THRB: variants seen among roughly 807,000 people sequenced by gnomAD.
The protein encoded by THRB is nuclear receptor subfamily 1 group A member 2.
In THRB, 12 loss-of-function variants were observed where a neutral mutation model predicts 47.8. The ratio of observed to expected loss-of-function variants is 0.25; its 90% CI spans 0.16 to 0.41. The LOEUF (loss-of-function observed/expected upper bound fraction) is 0.41. Among genes scored for constraint, THRB ranks in the 10% least tolerant of loss-of-function variants. The pLI, the probability that THRB is intolerant of heterozygous loss-of-function variation, is 1.00. For synonymous variants in THRB, 218 were observed against 212.2 expected, an observed-to-expected ratio of 1.03 and a Z score of -0.24; for missense variants, 348 against 589.2, an observed-to-expected ratio of 0.59 and a Z score of 4.24.
Position 24,290,310 on chromosome 3 carries a change from A to C in THRB, c.-43+6916T>G, listed in dbSNP as rs1001740014. Among the ~76,000 whole-genome samples the C allele has an allele frequency of 5.3e-5, 8 of 152,252 alleles. No individual in the cohort carries two copies. The East Asian group carries it at 1.2e-3, about 22-fold the overall frequency. On this transcript the variant is annotated intron_variant, in intron 3 of 10. Transcript: ENST00000646209. ...GGCCTGTCTCTCTCTTGGGCCATAC[A>C]TTTGGAGTGTCTGCCTGCCATGTTC...
intron 4 of THRB, among the ~76,000 whole-genome samples, chr3:24,196,357 TAAAAA>T (rs917886453): frequency 6.6e-6 from 1 of 151,954 alleles, no homozygotes; most frequent in Non-Finnish European, 1.5e-5. Context: ...AAAATAAAAA[TAAAAA>T]AAGTTGCTTC....
chr3:24,458,392 T>G (rs2073383074), intron 1 of THRB: 1 of 152,180 alleles, frequency 6.6e-6, no homozygotes, highest in Non-Finnish European at 1.5e-5. Context: ...TACAGAAGAC[T>G]GCAATTTGGT....
At chr3:24,266,152 A>G (rs1305847810) in intron 3 of THRB, among the ~76,000 whole-genome samples, 1 of 152,222 alleles carries the variant, frequency 6.6e-6, no homozygotes, top group African/African-American at 2.4e-5. Context: ...ATAATTTTGT[A>G]GAGTGAAGTT....
chr3:24,286,968 A>G (rs1224947407), intron 3 of THRB, among the ~76,000 whole-genome samples: 3 of 152,192 alleles, frequency 2.0e-5, no homozygotes, highest in African/African-American at 7.2e-5. Context: ...GAAGTTGAAG[A>G]TCAAGTTAGA....
intron 1 of THRB, among the ~76,000 whole-genome samples, chr3:24,481,726 G>C (rs1696454600): frequency 6.6e-6 from 1 of 151,834 alleles, no homozygotes; most frequent in South Asian, 2.1e-4. Flanking sequence ...AATTAATCAG[G>C]GCAGGATTTC....
At chr3:24,200,911 C>T (rs1369923647) in intron 4 of THRB, among the ~76,000 whole-genome samples, 2 of 152,160 alleles carry the variant, frequency 1.3e-5, no homozygotes, top group Admixed American at 1.3e-4. Flanking sequence ...ACACCAAAAA[C>T]ATATTTTATG....
intron 5 of THRB, among the ~76,000 whole-genome samples, chr3:24,171,942 A>G (rs2040495725): frequency 6.6e-6 from 1 of 152,216 alleles, no homozygotes; most frequent in Admixed American, 6.5e-5. Flanking sequence ...AAGTGGTCCC[A>G]TAATACAGTC....
intron 3 of THRB, among the ~76,000 whole-genome samples, chr3:24,269,444 T>TACAC (rs1559784463): frequency 1.8e-4 from 24 of 136,056 alleles, no homozygotes; most frequent in African/African-American, 7.2e-4. Context: ...CACACACACT[T>TACAC]AAGTTATCTT....
At chr3:24,319,688 T>C (rs911992168) in intron 2 of THRB, among the ~76,000 whole-genome samples, 3 of 152,174 alleles carry the variant, frequency 2.0e-5, no homozygotes, top group Non-Finnish European at 4.4e-5. Flanking sequence ...CTTTATATGC[T>C]TTAGCATGTG....
At chr3:24,402,166 A>G (rs1018097505) in intron 1 of THRB, among the ~76,000 whole-genome samples, 1 of 152,060 alleles carries the variant, frequency 6.6e-6, no homozygotes, top group African/African-American at 2.4e-5. Context: ...TGGCCGACAC[A>G]AGGAGAGGCA....
chr3:24,376,859 A>C (rs1048447544), intron 1 of THRB, among the ~76,000 whole-genome samples: 2 of 152,164 alleles, frequency 1.3e-5, no homozygotes, highest in African/African-American at 2.4e-5. Flanking sequence ...ACCATAAAAT[A>C]AAAAATTACT....
intron 1 of THRB, among the ~76,000 whole-genome samples, chr3:24,390,901 T>A (rs1560084690): frequency 6.6e-6 from 1 of 151,980 alleles, no homozygotes; most frequent in African/African-American, 2.4e-5. Context: ...AACTCACATC[T>A]TGGGCTTTTG....
At chr3:24,376,842 A>C (rs1345044618) in intron 1 of THRB, among the ~76,000 whole-genome samples, 10 of 152,196 alleles carry the variant, frequency 6.6e-5, no homozygotes, top group Admixed American at 6.6e-4. Flanking sequence ...GTTACACTAC[A>C]GTGTCCACCA....
At chr3:24,287,140 T>C (rs1022721414) in intron 3 of THRB, among the ~76,000 whole-genome samples, 14 of 152,194 alleles carry the variant, frequency 9.2e-5, no homozygotes, top group Non-Finnish European at 1.3e-4. Flanking sequence ...GGGTTCTACA[T>C]AGATATCTTA....
chr3:24,469,894 T>C (rs941702423), intron 1 of THRB, among the ~76,000 whole-genome samples: 1 of 152,208 alleles, frequency 6.6e-6, no homozygotes, highest in African/African-American at 2.4e-5. Context: ...AGGGAAACAA[T>C]GGAACAATCT....
chr3:24,453,078 GCAC>G (rs1006596483), intron 1 of THRB, among the ~76,000 whole-genome samples: 3 of 151,962 alleles, frequency 2.0e-5, no homozygotes, highest in African/African-American at 7.3e-5. Context: ...TCAGGCACTG[GCAC>G]CACCAAGTGT....
At position 24,383,161 on chromosome 3, in the gene THRB, T is replaced by G. The variant is rs117495460; in HGVS notation, c.-260-45790A>C. ...TGCCAGACTATAAGCTCTAGGAAAGTTGGTAATATGTGTTTTTGCTTAATA... is the reference window on the plus strand; with the variant it reads ...TGCCAGACTATAAGCTCTAGGAAAGGTGGTAATATGTGTTTTTGCTTAATA... On this transcript the variant is annotated intron_variant, in intron 1 of 10. Coordinates refer to ENST00000646209, the MANE Select transcript of THRB (RefSeq NM_001354712.2). Among the ~76,000 whole-genome samples the G allele has an allele frequency of 3.3e-3, 504 of 152,318 alleles. 18 individuals are homozygous for G. In the East Asian group the frequency reaches 0.075, roughly 23 times the overall value.
chr3:24,247,661 A>G (rs1287192720), intron 3 of THRB, among the ~76,000 whole-genome samples: 1 of 152,224 alleles, frequency 6.6e-6, no homozygotes, highest in Non-Finnish European at 1.5e-5. Context: ...CATCTCTTTT[A>G]CAGATGAGGA....
chr3:24,446,045 A>G (rs2072042383), intron 1 of THRB, among the ~76,000 whole-genome samples: 1 of 152,220 alleles, frequency 6.6e-6, no homozygotes, highest in Admixed American at 6.5e-5. Context: ...ATATGCCAAA[A>G]TGTTACAGCA....
Sources: gnomAD v4.1 joint callset for allele counts (sites outside exome capture counted in the v4.1 genomes callset) on GRCh38, gnomAD v4.1.1 for gene constraint, MANE v1.5 for transcripts, NCBI Gene and HGNC (gene_info 2026-07-23, HGNC 2026-07-21) for gene names.